Variants in LYRM4 observed in about 807,000 individuals in gnomAD.
The protein encoded by LYRM4 is LYR motif-containing protein 4.
A neutral mutation model predicts 11.7 loss-of-function variants in LYRM4; 9 were observed. That is an observed-to-expected ratio of 0.77 (90% CI 0.46 to 1.34). The LOEUF is 1.34. Among genes scored for constraint, LYRM4 ranks in the 40% most tolerant of loss-of-function variants. The pLI is 0.00. For missense variants in LYRM4, 133 were observed against 112.5 expected (o/e 1.18, Z -0.82); for synonymous variants, 42 against 40.4 (o/e 1.04, Z -0.15).
chr6:5,044,621 G>T, the LYRM4 span, among the ~76,000 whole-genome samples: 1 of 151,988 alleles, frequency 6.6e-6, no homozygotes, highest in African/African-American at 2.4e-5. Context: ...TCCTTCCTCG[G>T]CCCTGATTAA....
intron 2 of LYRM4, among the ~76,000 whole-genome samples, chr6:5,184,293 CAAGA>C (rs1278773511): frequency 6.6e-6 from 1 of 152,136 alleles, no homozygotes; most frequent in Non-Finnish European, 1.5e-5. Context: ...TGGAGTTTCA[CAAGA>C]AAGGGGTTCA....
At chr6:5,134,996 G>A (rs1358208269) in intron 2 of LYRM4, among the ~76,000 whole-genome samples, 1 of 132,438 alleles carries the variant, frequency 7.6e-6, no homozygotes. Context: ...TGGAGGGTGC[G>A]GATCGCTCCC....
downstream of LYRM4, chr6:5,102,922 G>A (rs1419125537): frequency 6.6e-6 from 1 of 152,232 alleles, no homozygotes; most frequent in Non-Finnish European, 1.5e-5. Context: ...TGACCTCTGA[G>A]AGTTTTCCTT....
At chr6:5,199,386 G>A (rs962310203) in intron 2 of LYRM4, among the ~76,000 whole-genome samples, 3 of 152,126 alleles carry the variant, frequency 2.0e-5, no homozygotes, top group African/African-American at 7.2e-5. Context: ...AAAATGGGGA[G>A]TCACAGCTAT....
chr6:5,063,612 C>A, the LYRM4 span, among the ~76,000 whole-genome samples: 1 of 152,242 alleles, frequency 6.6e-6, no homozygotes, highest in African/African-American at 2.4e-5. Context: ...GTCTCCCCAG[C>A]ACTGAGCTTG....
chr6:5,180,281 G>A (rs1024359156), intron 2 of LYRM4, among the ~76,000 whole-genome samples: 3 of 152,300 alleles, frequency 2.0e-5, no homozygotes, highest in Non-Finnish European at 2.9e-5. Context: ...GGTGTACACC[G>A]TGGCAGGATT....
chr6:5,055,062 T>G, the LYRM4 span, among the ~76,000 whole-genome samples: 1 of 152,302 alleles, frequency 6.6e-6, no homozygotes, highest in African/African-American at 2.4e-5. This position sits in a 1 kb window ranked among gnomAD's most constrained non-coding sequence, Gnocchi z 4.5. Context: ...ATTTGGAGGC[T>G]TCATCTACAT....
At chr6:5,048,690 C>T in the LYRM4 span, among the ~76,000 whole-genome samples, 1 of 152,212 alleles carries the variant, frequency 6.6e-6, no homozygotes, top group Non-Finnish European at 1.5e-5. Context: ...CCCTACTTCA[C>T]CTCATCACTT....
chr6:5,256,227 T>C (rs1301214334), intron 1 of LYRM4, among the ~76,000 whole-genome samples: 1 of 151,952 alleles, frequency 6.6e-6, no homozygotes, highest in African/African-American at 2.4e-5. Flanking sequence ...CGGTGGCTCA[T>C]GCCTGTAATC....
intron 1 of LYRM4, among the ~76,000 whole-genome samples, chr6:5,218,691 G>T (rs532221574): frequency 1.1e-4 from 17 of 152,304 alleles, no homozygotes; most frequent in Admixed American, 1.0e-3. Flanking sequence ...GATTGGGCAT[G>T]GAATCCATGT....
the LYRM4 span, among the ~76,000 whole-genome samples, chr6:5,056,207 A>G: frequency 1.3e-5 from 2 of 152,192 alleles, no homozygotes; most frequent in Non-Finnish European, 2.9e-5. Context: ...TTTTTAAAAA[A>G]CAGTTGGATC....
At chr6:5,253,947 A>G (rs1382432834) in intron 1 of LYRM4, among the ~76,000 whole-genome samples, 2 of 152,140 alleles carry the variant, frequency 1.3e-5, no homozygotes, top group Non-Finnish European at 2.9e-5. Flanking sequence ...TTATGTGACA[A>G]CTGGTGATGA....
At chr6:5,080,272 C>A in the LYRM4 span, among the ~76,000 whole-genome samples, 5 of 152,224 alleles carry the variant, frequency 3.3e-5, no homozygotes, top group African/African-American at 1.2e-4. Flanking sequence ...AAACCCTTTA[C>A]ATGCCTTGTT....
intron 2 of LYRM4, among the ~76,000 whole-genome samples, chr6:5,186,420 C>G (rs570872618): frequency 6.6e-6 from 1 of 152,136 alleles, no homozygotes; most frequent in South Asian, 2.1e-4. Context: ...TCTGGCCTTG[C>G]GTTCTGGTGT....
rs974856145 is a variant in LYRM4 at position 5,260,712 on chromosome 6, G to C, written c.22C>G (p.Gln8Glu). Residue 8 changes from glutamine to glutamate, a missense_variant, in exon 1 of 3, where the codon CAA becomes GAA. Gln to Glu is a conservative substitution (Grantham distance 29). Transcript: ENST00000330636. ...ATCGCCCGGTACAGAGATAACACTT[G>C]TGCGCGACTGGAGGCTGCCATTTTG... MAASSRA[Q>E]VLSLYRAMLR... The C allele has an allele frequency of 1.3e-6, 2 of 1,551,196 alleles. No homozygotes were observed. Among genetic ancestry groups the C allele is most frequent in the African/African-American group, 2.7e-5 (2 of 73,202 alleles).
chr6:5,255,444 A>G (rs546465601), intron 1 of LYRM4, among the ~76,000 whole-genome samples: 4 of 152,348 alleles, frequency 2.6e-5, no homozygotes, highest in African/African-American at 7.2e-5. Flanking sequence ...TATTCTTCAT[A>G]AAAGTGTTAT....
chr6:5,131,198 T>A (rs1001129457), intron 2 of LYRM4, among the ~76,000 whole-genome samples: 9 of 152,312 alleles, frequency 5.9e-5, no homozygotes, highest in African/African-American at 1.9e-4. Flanking sequence ...ACAGACAGGA[T>A]GCGGCAGTCA....
chr6:5,056,491 A>G, the LYRM4 span, among the ~76,000 whole-genome samples: 1 of 152,202 alleles, frequency 6.6e-6, no homozygotes, highest in Non-Finnish European at 1.5e-5. Flanking sequence ...CTTTAAGCGG[A>G]TCTTTTACCT....
At chr6:5,224,198 A>G (rs1471662275) in intron 1 of LYRM4, among the ~76,000 whole-genome samples, 3 of 152,260 alleles carry the variant, frequency 2.0e-5, no homozygotes, top group Admixed American at 1.3e-4. Flanking sequence ...GAATACAAAT[A>G]GCACATATAA....
Sources: gnomAD v4.1 joint callset for allele counts (sites outside exome capture counted in the v4.1 genomes callset) on GRCh38, gnomAD v4.1.1 for gene constraint, Gnocchi (gnomAD v3.1) non-coding constraint, MANE v1.5 for transcripts, NCBI Gene and HGNC (gene_info 2026-07-23, HGNC 2026-07-21) for gene names.